The following GALNT9 variants were observed in gnomAD, a reference collection of about 807,000 sequenced individuals.
The protein encoded by GALNT9 is GalNAc transferase 9.
In GALNT9, 47 loss-of-function variants were observed where a neutral mutation model predicts 63.1. The ratio of observed to expected loss-of-function variants is 0.75; its 90% CI spans 0.59 to 0.95. The LOEUF is 0.95. GALNT9 is among the 40% of genes least tolerant of loss of function. The probability of loss-of-function intolerance (pLI) is 0.00; values close to 1 mark genes in which losing one functional copy is unlikely to be tolerated. For synonymous variants in GALNT9, 396 were observed against 365.7 expected (o/e 1.08, Z -0.94); for missense variants, 829 against 874.8 (o/e 0.95, Z 0.66).
In GALNT9 at chr12:132,261,034, C is replaced by T; in HGVS notation, c.675G>A (p.Leu225=). Residue 225 remains leucine (L), a synonymous_variant, in exon 4 of 11, where the codon CTG becomes CTA. Transcript: ENST00000328957. ...KIVRNSRREG[L]IRARLQGWKA... Reference sequence around the variant, plus strand: ...TCCAGCCCTGCAGCCGCGCGCGGATCAGTCCTTCCCGCCGGCTGTTGCGGA... The same window carrying T: ...TCCAGCCCTGCAGCCGCGCGCGGATTAGTCCTTCCCGCCGGCTGTTGCGGA... 6.4e-7 allele frequency: 1 copy of T among 1,551,350 alleles called. No homozygotes were observed. The highest frequency in any genetic ancestry group is 8.7e-7 in the Non-Finnish European group (1 of 1,146,944).
At chr12:132,215,179 G>A (rs1877134523) in intron 6 of GALNT9, among the ~76,000 whole-genome samples, 2 of 152,150 alleles carry the variant, frequency 1.3e-5, no homozygotes, top group South Asian at 4.1e-4. Flanking sequence ...CGGCAGAACA[G>A]ACACAGGTTT....
rs530380752 is a variant in GALNT9, at chr12:132,269,483, G to A, written c.420-6858C>T. Among the ~76,000 whole-genome samples the A allele has an allele frequency of 1.9e-4, 29 of 152,020 alleles. No individual in the cohort carries two copies. The South Asian group carries it at 5.4e-3, about 28-fold the overall frequency. ...GGTGCTGCTGGAAAAAGCAAGAGAA[G>A]GTGGAGGGGCGTCAGGGAGGAGCCC... On this transcript the variant is annotated intron_variant, in intron 2 of 10. Coordinates refer to ENST00000328957, the MANE Select transcript of GALNT9 (RefSeq NM_001122636.2).
At chr12:132,240,847 ACCACACCCC>A (rs1878265411) in intron 6 of GALNT9, 1 of 342,924 alleles carries the variant, frequency 2.9e-6, no homozygotes, top group African/African-American at 2.9e-5. Flanking sequence ...TTACACACAC[ACCACACCCC>A]CTTCCCAGGG....
chr12:132,225,840 C>A (rs1228257528), intron 6 of GALNT9, among the ~76,000 whole-genome samples: 2 of 133,920 alleles, frequency 1.5e-5, no homozygotes, highest in Non-Finnish European at 3.3e-5. Context: ...ACACACCACA[C>A]AACCCACACC....
chr12:132,266,161 C>T (rs1261693678), intron 2 of GALNT9, among the ~76,000 whole-genome samples: 2 of 150,912 alleles, frequency 1.3e-5, no homozygotes, highest in Non-Finnish European at 2.9e-5. Context: ...CGCCTGACCT[C>T]GCCGTATTTC....
chr12:132,290,081 CCATGGTG>C (rs782547412), intron 1 of GALNT9, among the ~76,000 whole-genome samples: 5 of 152,154 alleles, frequency 3.3e-5, no homozygotes, highest in Admixed American at 1.3e-4. Context: ...ACGTTCCTGG[CCATGGTG>C]CTTCACTGCT....
intron 1 of GALNT9, among the ~76,000 whole-genome samples, chr12:132,318,580 C>G (rs1270099471): frequency 6.6e-6 from 1 of 152,258 alleles, no homozygotes; most frequent in Admixed American, 6.5e-5. Context: ...CGTAGGATCA[C>G]GCAGAGCTGG....
chr12:132,209,000 TG>T (rs1288092082), intron 6 of GALNT9, among the ~76,000 whole-genome samples: 1 of 152,228 alleles, frequency 6.6e-6, no homozygotes, highest in African/African-American at 2.4e-5. Context: ...TCAGGTGTCC[TG>T]GTTTGGGTGA....
rs1555240315 is a variant in GALNT9 at position 132,267,765 on chromosome 12, A to ACGCAC, written c.420-5141_420-5140insGTGCG. ...CACAAGCACACACACTCACACACACATGCACTCACACACACGCACACACAC... is the reference window on the plus strand; with the variant it reads ...CACAAGCACACACACTCACACACACACGCACTGCACTCACACACACGCACACACAC... On this transcript the variant is annotated intron_variant, in intron 2 of 10. Coordinates refer to ENST00000328957, the MANE Select transcript of GALNT9 (RefSeq NM_001122636.2). Among the ~76,000 whole-genome samples, 18 of 128,786 alleles carry ACGCAC rather than the reference A, an allele frequency of 1.4e-4. 1 individual carries two copies. In the East Asian group the frequency reaches 2.0e-3, roughly 14 times the overall value. 84.5% of individuals were successfully genotyped at this position (128,786 alleles called of 152,430 possible). A position where few individuals can be genotyped will look rare whatever the true frequency, so the allele number is the denominator to read the frequency against.
At position 132,197,917 on chromosome 12, in the gene GALNT9, G is replaced by C; in HGVS notation, c.1540C>G (p.Leu514Val). The change falls in exon 10 of 11, where the codon CTG becomes GTG. Residue 514 changes from leucine to valine, a missense_variant. Leu to Val is a conservative substitution (Grantham distance 32, BLOSUM62 1). Coordinates refer to ENST00000328957, the MANE Select transcript of GALNT9 (RefSeq NM_001122636.2). ...TCAGGCAAGAAGGCTGTGGAGCCCA[G>C]AGGCCCCAGCTGCAGCAGTCCATCA... is the stretch of plus-strand genomic sequence containing the variant. ...SADGLLQLGP[L>V]GSTAFLPDSK... The C allele has an allele frequency of 6.2e-7, 1 of 1,611,780 alleles. No individual in the cohort carries two copies. The highest frequency in any genetic ancestry group is 1.1e-5 in the South Asian group (1 of 90,800).
Position 132,196,873 on chromosome 12 carries a change from G to C in GALNT9, c.*234C>G. The C allele has an allele frequency of 7.3e-7, 1 of 1,361,534 alleles. No homozygotes were observed. Among genetic ancestry groups the C allele is most frequent in the Non-Finnish European group, 9.5e-7 (1 of 1,056,452 alleles). 84.3% of individuals were successfully genotyped at this position (1,361,534 alleles called of 1,614,324 possible). ...GGCACGTGTTTGAGTTGGCATCACT[G>C]TCCCCAGACGCCCTCCCTCGGGTAG... On this transcript the variant is annotated 3_prime_UTR_variant, in exon 11 of 11. Transcript: ENST00000328957.
At chr12:132,256,012 C>T (rs1011100998) in intron 5 of GALNT9, among the ~76,000 whole-genome samples, 5 of 152,158 alleles carry the variant, frequency 3.3e-5, no homozygotes, top group Non-Finnish European at 5.9e-5. Context: ...GTTGGGATTA[C>T]AGGCATGAAC....
At position 132,257,763 on chromosome 12, in the gene GALNT9, G is replaced by A. The variant is rs1456645643; in HGVS notation, c.885C>T (p.Asn295=). Residue 295 remains asparagine, a synonymous_variant, in exon 5 of 11, where the codon AAC becomes AAT. Coordinates refer to ENST00000328957, the MANE Select transcript of GALNT9 (RefSeq NM_001122636.2). Reference sequence around the variant, plus strand: ...TGATGTACATGCACCAGAGGCCCCAGTTGTAGCCATGGGCGGCGTTCGCAT... The same window carrying A: ...TGATGTACATGCACCAGAGGCCCCAATTGTAGCCATGGGCGGCGTTCGCAT... ...QQYANAAHGY[N]WGLWCMYIIP... is the part of the protein sequence containing the mutation. The A allele has an allele frequency of 6.4e-7, 1 of 1,550,582 alleles. No individual in the cohort carries two copies. Among genetic ancestry groups the A allele is most frequent in the South Asian group, 1.2e-5 (1 of 84,064 alleles).
chr12:132,248,076 C>T, intron 5 of GALNT9, 49 bp from the exon 6 acceptor site: 2 of 1,514,776 alleles, frequency 1.3e-6, no homozygotes, highest in South Asian at 1.3e-5. Flanking sequence ...CAGGCCTGAG[C>T]CCTGCCTGCT....
In GALNT9 at chr12:132,258,725, G is replaced by C. The variant is rs73166894; in HGVS notation, c.762-839C>G. On this transcript the variant is annotated intron_variant, in intron 4 of 10. Coordinates refer to ENST00000328957, the MANE Select transcript of GALNT9 (RefSeq NM_001122636.2). ...GAGGAAGGTGAGTAGAAGCAGCCTC[G>C]ATGGGCATCAGCTCAGTCTTCGATT... 2.8e-3 allele frequency among the ~76,000 whole-genome samples: 422 copies of C among 152,316 alleles called. 1 individual carries two copies. The highest frequency in any genetic ancestry group is 9.8e-3 in the African/African-American group (409 of 41,566).
chr12:132,197,086 G>A lies in GALNT9; in HGVS notation c.*21C>T, dbSNP rs1729463481. The A allele has an allele frequency of 6.2e-7, 1 of 1,612,788 alleles. No homozygotes were observed. ...GCCCAGCGCCTTCCCGAGGTCTGTGGGGGTCCGGGCGGAGGTGGGGTCAGT... is the reference window on the plus strand; with the variant it reads ...GCCCAGCGCCTTCCCGAGGTCTGTGAGGGTCCGGGCGGAGGTGGGGTCAGT... On this transcript the variant is annotated 3_prime_UTR_variant, in exon 11 of 11. Coordinates refer to ENST00000328957, the MANE Select transcript of GALNT9 (RefSeq NM_001122636.2).
At chr12:132,307,795 A>C (rs868931129) in intron 1 of GALNT9, among the ~76,000 whole-genome samples, 5 of 151,948 alleles carry the variant, frequency 3.3e-5, no homozygotes, top group Admixed American at 2.6e-4. Flanking sequence ...GATCACACCA[A>C]TGCACTCCAG....
rs550311521 is a variant in GALNT9 at position 132,309,579 on chromosome 12, G to A, written c.238+19387C>T. 2.6e-5 allele frequency among the ~76,000 whole-genome samples: 4 copies of A among 152,302 alleles called. No homozygotes were observed. In the East Asian group the frequency reaches 7.7e-4, roughly 29 times the overall value. On this transcript the variant is annotated intron_variant, in intron 1 of 10. Coordinates refer to ENST00000328957, the MANE Select transcript of GALNT9 (RefSeq NM_001122636.2). Reference sequence around the variant, plus strand: ...AATGAGAGGGCTCGGATAGTCACAGGCAGAAAAGAGAGGCCACATGATGTC... The same window carrying A: ...AATGAGAGGGCTCGGATAGTCACAGACAGAAAAGAGAGGCCACATGATGTC...
intron 2 of GALNT9, among the ~76,000 whole-genome samples, chr12:132,281,812 G>A (rs1169231828): frequency 1.3e-5 from 2 of 152,020 alleles, no homozygotes; most frequent in Non-Finnish European, 2.9e-5. Flanking sequence ...CGATCCCACA[G>A]AGGAGGAATC....
Sources: allele counts gnomAD v4.1 joint callset (sites outside exome capture counted in the v4.1 genomes callset), GRCh38; gene constraint gnomAD v4.1.1; transcripts MANE v1.5; gene names NCBI Gene and HGNC (gene_info 2026-07-23, HGNC 2026-07-21).